The following DCAF12 variants were observed in gnomAD, a reference collection of about 807,000 sequenced individuals.
The protein encoded by DCAF12 is DDB1 and CUL4 associated factor 12, also known as DDB1- and CUL4-associated factor 12.
Under a neutral mutation model 52.8 loss-of-function variants are expected in DCAF12, and 28 were observed. That is an observed-to-expected ratio of 0.53 (90% CI 0.39 to 0.73). The LOEUF (loss-of-function observed/expected upper bound fraction) is 0.73, where lower values mean the gene tolerates loss of function less well. Among genes scored for constraint, DCAF12 ranks in the 30% least tolerant of loss-of-function variants. The pLI, the probability that DCAF12 is intolerant of heterozygous loss-of-function variation, is 0.00. For synonymous variants in DCAF12, 196 were observed against 215.5 expected (o/e 0.91, Z 0.79); for missense variants, 425 against 552.2 (o/e 0.77, Z 2.31).
At chr9:34,103,279 C>T (rs773797140) in intron 4 of DCAF12, among the ~76,000 whole-genome samples, 1 of 150,192 alleles carries the variant, frequency 6.7e-6, no homozygotes, top group African/African-American at 2.5e-5. Flanking sequence ...TGGTGGCACG[C>T]GCCTGTAGTC....
rs118133690 is a variant in DCAF12, at chr9:34,124,254, G to C, written c.333+769C>G. On this transcript the variant is annotated intron_variant, in intron 2 of 8. Transcript: ENST00000361264. ...GGGAGGTGAAAACCGAGGGAGGGCT[G>C]GGCGTAATCATTTCCCACCCCTAGG... Among the ~76,000 whole-genome samples the C allele has an allele frequency of 1.8e-3, 280 of 152,286 alleles. 1 individual carries two copies. The highest frequency in any genetic ancestry group is 3.0e-3 in the Non-Finnish European group (204 of 68,028).
intron 4 of DCAF12, among the ~76,000 whole-genome samples, chr9:34,105,226 C>CT (rs1828886355): frequency 6.6e-6 from 1 of 151,294 alleles, no homozygotes. Context: ...GCACTCCAGC[C>CT]TGGAAGACAG....
chr9:34,105,039 G>A (rs996411659), intron 4 of DCAF12, among the ~76,000 whole-genome samples: 2 of 151,432 alleles, frequency 1.3e-5, no homozygotes, highest in Non-Finnish European at 2.9e-5. Context: ...GAATCACTGA[G>A]GTCAGGAGTT....
intron 4 of DCAF12, among the ~76,000 whole-genome samples, chr9:34,100,198 C>CTTTT (rs35820744): frequency 3.4e-5 from 4 of 117,768 alleles, no homozygotes; most frequent in South Asian, 2.9e-4. Flanking sequence ...CCATGACTGG[C>CTTTT]TTTTTTTTTT....
intron 2 of DCAF12, among the ~76,000 whole-genome samples, chr9:34,108,805 ATAAAT>A (rs1564099149): frequency 9.8e-5 from 11 of 112,606 alleles, no homozygotes; most frequent in Non-Finnish European, 1.4e-4. Context: ...AAAAAAATAA[ATAAAT>A]AAATATATAT....
intron 6 of DCAF12, 123 bp downstream of exon 6, chr9:34,096,593 G>A (rs1828738885): frequency 1.2e-5 from 11 of 912,470 alleles, no homozygotes; most frequent in Non-Finnish European, 1.8e-5. Flanking sequence ...ATCAGAGCGA[G>A]ACTCTGCCTC....
At chr9:34,114,153 C>T (rs1022085058) in intron 2 of DCAF12, among the ~76,000 whole-genome samples, 2 of 151,942 alleles carry the variant, frequency 1.3e-5, no homozygotes, top group Non-Finnish European at 2.9e-5. Flanking sequence ...TACTGTTTAG[C>T]TATAAAAAAG....
Position 34,098,525 on chromosome 9 carries a change from G to A in DCAF12, c.602-8C>T. The A allele has an allele frequency of 6.2e-7, 1 of 1,610,346 alleles. No homozygotes were observed. The highest frequency in any genetic ancestry group is 1.3e-5 in the African/African-American group (1 of 74,970). On this transcript the variant is annotated splice_polypyrimidine_tract_variant and splice_region_variant and intron_variant, in intron 4 of 8. Transcript: ENST00000361264. ...TAGAACCATCACGTGAGCCTGCAGG[G>A]CCAGGAGAACACAGATGTCAGATGT...
chr9:34,116,554 A>G (rs1433581354), intron 2 of DCAF12, among the ~76,000 whole-genome samples: 1 of 152,088 alleles, frequency 6.6e-6, no homozygotes, highest in African/African-American at 2.4e-5. Context: ...GCGTACCTGT[A>G]GTCCCAGCTA....
chr9:34,107,259 C>T (rs1828917770), intron 3 of DCAF12, 100 bp downstream of exon 3: 3 of 1,158,454 alleles, frequency 2.6e-6, no homozygotes, highest in African/African-American at 1.5e-5. Flanking sequence ...ATGGGGAGTC[C>T]AGTCCCCACT....
At chr9:34,104,460 C>CTG (rs1368606377) in intron 4 of DCAF12, among the ~76,000 whole-genome samples, 2 of 152,036 alleles carry the variant, frequency 1.3e-5, no homozygotes, top group African/African-American at 4.8e-5. Context: ...GCCTTGTATG[C>CTG]TGTGCTATAA....
chr9:34,108,318 G>C (rs183648087), intron 2 of DCAF12, among the ~76,000 whole-genome samples: 1 of 152,292 alleles, frequency 6.6e-6, no homozygotes, highest in Admixed American at 6.5e-5. Context: ...TATGAACACA[G>C]CTATGAACGA....
chr9:34,094,262 T>C (rs1828698195), intron 6 of DCAF12, among the ~76,000 whole-genome samples: 1 of 151,700 alleles, frequency 6.6e-6, no homozygotes, highest in Non-Finnish European at 1.5e-5. Flanking sequence ...AAAAATTAGC[T>C]AGGGGTAGTG....
In DCAF12 at chr9:34,098,412, G is replaced by C; in HGVS notation, c.707C>G (p.Thr236Ser). 6.2e-7 allele frequency: 1 copy of C among 1,614,268 alleles called. No homozygotes were observed. The highest frequency in any genetic ancestry group is 8.5e-7 in the Non-Finnish European group (1 of 1,180,046). The change falls in exon 5 of 9, where the codon ACT becomes AGT. Residue 236 changes from threonine to serine, a missense_variant. Thr to Ser is a moderately conservative substitution (Grantham distance 58). This residue lies in a region of DCAF12 where 328 missense variants were observed against 444.4 expected (regional missense o/e 0.74). Coordinates refer to ENST00000361264, the MANE Select transcript of DCAF12 (RefSeq NM_015397.4). ...VSRVPVYAHI[T>S]HKALKDIPKE... The stretch of plus-strand genomic sequence containing the variant: ...GGGGATGTCCTTTAAGGCCTTGTGA[G>C]TGATGTGTGCATACACAGGGACCCG...
intron 7 of DCAF12, among the ~76,000 whole-genome samples, chr9:34,090,613 A>T (rs982361167): frequency 2.0e-5 from 3 of 152,106 alleles, no homozygotes; most frequent in African/African-American, 7.2e-5. Flanking sequence ...AACAGTACCA[A>T]AAATCTCTTA....
At chr9:34,088,646 T>G in intron 8 of DCAF12, 138 bp from the exon 9 acceptor site, 1 of 936,256 alleles carries the variant, frequency 1.1e-6, no homozygotes, top group Non-Finnish European at 1.6e-6. Context: ...GGAGATTGGC[T>G]GGTTGGTTCT....
intron 2 of DCAF12, among the ~76,000 whole-genome samples, chr9:34,117,870 C>T (rs1186050851): frequency 1.3e-5 from 2 of 151,984 alleles, no homozygotes; most frequent in Non-Finnish European, 2.9e-5. Flanking sequence ...GCCGAGATCG[C>T]GCCATCACAC....
At chr9:34,111,718 G>A (rs1829006078) in intron 2 of DCAF12, among the ~76,000 whole-genome samples, 1 of 152,122 alleles carries the variant, frequency 6.6e-6, no homozygotes, top group South Asian at 2.1e-4. Context: ...CAGTCCAAAG[G>A]CTAGATTGGA....
At chr9:34,117,901 C>T (rs889001856) in intron 2 of DCAF12, among the ~76,000 whole-genome samples, 3 of 151,950 alleles carry the variant, frequency 2.0e-5, no homozygotes, top group East Asian at 1.9e-4. Context: ...GCAACAAGAG[C>T]GAAACTCTGT....
Sources: allele counts gnomAD v4.1 joint callset (sites outside exome capture counted in the v4.1 genomes callset), GRCh38; gene constraint gnomAD v4.1.1; regional missense constraint gnomAD v4.1.1; transcripts MANE v1.5; gene names NCBI Gene and HGNC (gene_info 2026-07-23, HGNC 2026-07-21).